Variants in UBE2L3 observed in about 807,000 individuals in gnomAD.
The protein encoded by UBE2L3 is ubiquitin conjugating enzyme E2 L3, also known as ubiquitin-conjugating enzyme E2 L3.
In UBE2L3, 1 loss-of-function variant was observed where a neutral mutation model predicts 17.8. The ratio of observed to expected loss-of-function variants is 0.06; its 90% CI spans 0.02 to 0.27. The LOEUF (loss-of-function observed/expected upper bound fraction) is 0.27, where lower values mean the gene tolerates loss of function less well. Ranked by LOEUF, UBE2L3 falls within the 10% of genes least tolerant of loss-of-function variation. The probability of loss-of-function intolerance (pLI) is 1.00; values close to 1 mark genes in which losing one functional copy is unlikely to be tolerated. For missense variants in UBE2L3, 40 were observed against 192.6 expected (o/e 0.21, Z 4.69); for synonymous variants, 44 against 68.5 (o/e 0.64, Z 1.76).
chr22:21,592,268 C>T lies in UBE2L3; in HGVS notation c.28-593C>T, dbSNP rs111388333. On this transcript the variant is annotated intron_variant, in intron 1 of 3. Transcript: ENST00000342192. Reference sequence around the variant, plus strand: ...AGTGAAGGTTTCCCGTCCCCACCCCCCCACTCCCACCCCAGTCCCAGACTG... The same window carrying T: ...AGTGAAGGTTTCCCGTCCCCACCCCTCCACTCCCACCCCAGTCCCAGACTG... Among the ~76,000 whole-genome samples the T allele has an allele frequency of 8.8e-4, 134 of 152,210 alleles. 1 individual carries two copies. Among genetic ancestry groups the T allele is most frequent in the Non-Finnish European group, 1.8e-3 (121 of 68,016 alleles).
At chr22:21,558,284 G>A (rs1269535460) in intron 1 of UBE2L3, among the ~76,000 whole-genome samples, 2 of 152,086 alleles carry the variant, frequency 1.3e-5, no homozygotes, top group Admixed American at 1.3e-4. Flanking sequence ...ATCCCCCATT[G>A]CTACAGTAGC....
chr22:21,567,399 G>C (rs1004461183), upstream of UBE2L3: 1 of 266,080 alleles, frequency 3.8e-6, no homozygotes, highest in Admixed American at 5.3e-5. Context: ...TCGTGACCGC[G>C]TGATCCACCC....
At chr22:21,577,353 C>T (rs2148406974) in intron 1 of UBE2L3, among the ~76,000 whole-genome samples, 1 of 152,306 alleles carries the variant, frequency 6.6e-6, no homozygotes, top group East Asian at 1.9e-4. Context: ...GATCCGCCTG[C>T]CTCAGCCTCC....
chr22:21,567,734 C>G lies in UBE2L3; in HGVS notation c.-11C>G, dbSNP rs748738371. On this transcript the variant is annotated 5_prime_UTR_variant, in exon 1 of 4. Coordinates refer to ENST00000342192, the MANE Select transcript of UBE2L3 (RefSeq NM_003347.4). ...GATGCATTCTGGGGAAGGAGCAGCA[C>G]CAAATCCAAGATGGCGGCCAGCAGG... The G allele has an allele frequency of 6.3e-7, 1 of 1,580,968 alleles. No individual in the cohort carries two copies. Among genetic ancestry groups the G allele is most frequent in the Middle Eastern group, 1.7e-4 (1 of 5,878 alleles).
Position 21,610,907 on chromosome 22 carries a change from A to G in UBE2L3, c.174A>G (p.Pro58=). 2 of 1,613,232 alleles carry G rather than the reference A, an allele frequency of 1.2e-6. No individual in the cohort carries two copies. Among genetic ancestry groups the G allele is most frequent in the Non-Finnish European group, 1.7e-6 (2 of 1,179,732 alleles). The change falls in exon 3 of 4, where the codon CCA becomes CCG. Residue 58 remains proline (P), a synonymous_variant. Transcript: ENST00000342192. ...KGAFRIEINF[P]AEYPFKPPKI... is the part of the protein sequence containing the mutation. ...CCTTCAGAATCGAAATCAACTTTCC[A>G]GCAGAGTACCCATTCAAACCACCGA... is the stretch of plus-strand genomic sequence containing the variant.
chr22:21,571,991 C>G (rs750244219), intron 1 of UBE2L3, among the ~76,000 whole-genome samples: 2 of 152,026 alleles, frequency 1.3e-5, no homozygotes, highest in Non-Finnish European at 2.9e-5. Context: ...AAAAACGTTG[C>G]GTCTTTTTTT....
chr22:21,570,559 T>C (rs1926908204), intron 1 of UBE2L3, among the ~76,000 whole-genome samples: 1 of 152,164 alleles, frequency 6.6e-6, no homozygotes, highest in Non-Finnish European at 1.5e-5. Context: ...TCCATGCCTC[T>C]TGTCAGGCTG....
In UBE2L3 at chr22:21,592,976, A is replaced by G. The variant is rs776955538; in HGVS notation, c.123+20A>G. 6 of 1,592,434 alleles carry G rather than the reference A, an allele frequency of 3.8e-6. No homozygotes were observed. Among genetic ancestry groups the G allele is most frequent in the South Asian group, 1.1e-5 (1 of 90,600 alleles). On this transcript the variant is annotated intron_variant, in intron 2 of 3. Transcript: ENST00000342192. ...GTTCCTGTGAGTATTGAACACTTCCACTTCCTACCAGATTATTCTTTAAGG... is the reference window on the plus strand; with the variant it reads ...GTTCCTGTGAGTATTGAACACTTCCGCTTCCTACCAGATTATTCTTTAAGG...
chr22:21,617,590 C>T (rs1328356505), intron 3 of UBE2L3, among the ~76,000 whole-genome samples: 1 of 151,928 alleles, frequency 6.6e-6, no homozygotes, highest in East Asian at 1.9e-4. Flanking sequence ...TAAGCCCCTA[C>T]ATTTTGCAGA....
intron 1 of UBE2L3, among the ~76,000 whole-genome samples, chr22:21,586,171 G>T (rs934684822): frequency 6.6e-6 from 1 of 152,122 alleles, no homozygotes; most frequent in Non-Finnish European, 1.5e-5. Context: ...TTGAGTTCCT[G>T]TGCTTAAGTG....
At chr22:21,595,920 C>T (rs549042986) in intron 2 of UBE2L3, among the ~76,000 whole-genome samples, 67 of 152,188 alleles carry the variant, frequency 4.4e-4, no homozygotes, top group Middle Eastern at 6.8e-3. Context: ...TGTCGCTATG[C>T]AGTGGCACGA....
Position 21,621,963 on chromosome 22 carries a change from C to A in UBE2L3, c.*294C>A. ...CTTGTCCAATTTTATCCAAAATCTT[C>A]AAGTTACATTTAACCCATAAGGTTT... On this transcript the variant is annotated 3_prime_UTR_variant, in exon 4 of 4. Coordinates refer to ENST00000342192, the MANE Select transcript of UBE2L3 (RefSeq NM_003347.4). 9.4e-6 allele frequency: 3 copies of A among 319,884 alleles called. No individual in the cohort carries two copies. The highest frequency in any genetic ancestry group is 1.1e-5 in the Non-Finnish European group (2 of 176,768). 19.8% of individuals were successfully genotyped at this position (319,884 alleles called of 1,614,324 possible). A position where few individuals can be genotyped will look rare whatever the true frequency, so the allele number is the denominator to read the frequency against.
chr22:21,578,436 AG>A (rs1165537520), intron 1 of UBE2L3, among the ~76,000 whole-genome samples: 1 of 151,814 alleles, frequency 6.6e-6, no homozygotes, highest in Non-Finnish European at 1.5e-5. Flanking sequence ...AGTTTTACAC[AG>A]GCAGTTCCCG....
At chr22:21,558,250 C>G (rs1057253452) in intron 1 of UBE2L3, among the ~76,000 whole-genome samples, 1 of 152,124 alleles carries the variant, frequency 6.6e-6, no homozygotes, top group East Asian at 1.9e-4. Flanking sequence ...ATCCTGAGAG[C>G]CTGCAGGAGG....
At chr22:21,567,637 C>A, upstream of UBE2L3, 1 of 1,543,908 alleles carries the variant, frequency 6.5e-7, no homozygotes, top group Non-Finnish European at 8.7e-7. Flanking sequence ...CTCCGCTCTG[C>A]TCCTGTGCCC....
At chr22:21,605,057 A>G (rs1206716710) in intron 2 of UBE2L3, among the ~76,000 whole-genome samples, 1 of 152,180 alleles carries the variant, frequency 6.6e-6, no homozygotes, top group Admixed American at 6.5e-5. Flanking sequence ...ACTTAAAACT[A>G]TAGCCTCAAG....
At chr22:21,558,640 A>C (rs1471947201) in intron 1 of UBE2L3, among the ~76,000 whole-genome samples, 205 of 152,202 alleles carry the variant, frequency 1.3e-3, no homozygotes, top group African/African-American at 4.2e-3. Flanking sequence ...AAAAAAAAAA[A>C]AAAAAAAAAC....
At chr22:21,617,374 C>G (rs955219270) in intron 3 of UBE2L3, among the ~76,000 whole-genome samples, 2 of 152,042 alleles carry the variant, frequency 1.3e-5, no homozygotes, top group Non-Finnish European at 2.9e-5. Context: ...TCAAGCATTT[C>G]TCCTCCCTCA....
chr22:21,614,743 C>A, intron 3 of UBE2L3: 3 of 920,884 alleles, frequency 3.3e-6, no homozygotes, highest in South Asian at 1.5e-5. Context: ...TATATCTACC[C>A]AAGAGAAATG....
Sources: gnomAD v4.1 joint callset for allele counts (sites outside exome capture counted in the v4.1 genomes callset) on GRCh38, gnomAD v4.1.1 for gene constraint, MANE v1.5 for transcripts, NCBI Gene and HGNC (gene_info 2026-07-23, HGNC 2026-07-21) for gene names.